Variants in AP4B1 observed in about 807,000 individuals in gnomAD.
AP4B1 encodes the protein adaptor related protein complex 4 subunit beta 1.
Under a neutral mutation model 76.5 loss-of-function variants are expected in AP4B1, and 49 were observed. The observed-to-expected ratio is 0.64, with a 90% CI of 0.51 to 0.81. The LOEUF is 0.81. Among genes scored for constraint, AP4B1 ranks in the 40% least tolerant of loss-of-function variants. The pLI, the probability that AP4B1 is intolerant of heterozygous loss-of-function variation, is 0.00. For synonymous variants in AP4B1, 330 were observed against 333.3 expected (o/e 0.99, Z 0.11); for missense variants, 911 against 904.9 (o/e 1.01, Z -0.09).
At position 113,895,299 on chromosome 1, in the gene AP4B1, T is replaced by C; in HGVS notation, c.1986A>G (p.Gln662=). Reference sequence around the variant, plus strand: ...TTGCGATGGTCTGGATGTTCACTACTTGAAGAGCCATCTGGAGGGTGTCAG... The same window carrying C: ...TTGCGATGGTCTGGATGTTCACTACCTGAAGAGCCATCTGGAGGGTGTCAG... The part of the protein sequence containing the change: ...FHPDTLQMAL[Q]VVNIQTIAMS... The change falls in exon 10 of 10, where the codon CAA becomes CAG. Residue 662 remains glutamine, a synonymous_variant. Transcript: ENST00000369569. 6.2e-7 allele frequency: 1 copy of C among 1,614,208 alleles called. No homozygotes were observed.
rs878886670 is a variant in AP4B1, at chr1:113,896,283, T to G, written c.1485A>C (p.Leu495=). 6 of 1,614,160 alleles carry G rather than the reference T, an allele frequency of 3.7e-6. No individual in the cohort carries two copies. The highest frequency in any genetic ancestry group is 5.1e-6 in the Non-Finnish European group (6 of 1,180,012). The part of the protein sequence containing the change: ...LSRPAECQDM[L]GRLLYYCIEE... ...CTATGCAGTAATACAACAAACGTCC[T>G]AGCATGTCCTGGCACTCAGCAGGTC... The change falls in exon 8 of 10, where the codon CTA becomes CTC. Residue 495 remains leucine (L), a synonymous_variant. Coordinates refer to ENST00000369569, the MANE Select transcript of AP4B1 (RefSeq NM_001253852.3).
chr1:113,898,530 T>C (rs1313560663), intron 6 of AP4B1, among the ~76,000 whole-genome samples, 188 bp downstream of exon 6: 1 of 152,256 alleles, frequency 6.6e-6, no homozygotes, highest in Non-Finnish European at 1.5e-5. Flanking sequence ...TTATAGATCA[T>C]GGCAGCCTGA....
In AP4B1 at chr1:113,894,726, C is replaced by T. The variant is rs551106824; in HGVS notation, c.*339G>A. 3.6e-6 allele frequency: 1 copy of T among 276,042 alleles called. No homozygotes were observed. Among genetic ancestry groups the T allele is most frequent in the Non-Finnish European group, 6.9e-6 (1 of 143,888 alleles). 17.1% of individuals were successfully genotyped at this position (276,042 alleles called of 1,614,324 possible). On this transcript the variant is annotated 3_prime_UTR_variant, in exon 10 of 10. Coordinates refer to ENST00000369569, the MANE Select transcript of AP4B1 (RefSeq NM_001253852.3). ...AATCCAGGGAAGAAAAGATGACCCC[C>T]ACAAATGATGACCCCTATCAGTTTC...
rs185479399 is a variant in AP4B1 at position 113,896,671 on chromosome 1, A to G, written c.1303-206T>C. On this transcript the variant is annotated intron_variant, in intron 7 of 9. Transcript: ENST00000369569. ...ATTCTAATACACAAGAGGAAACTCAAAACTTTCATAGCCTATGTTGGATTA... is the reference window on the plus strand; with the variant it reads ...ATTCTAATACACAAGAGGAAACTCAGAACTTTCATAGCCTATGTTGGATTA... 5,329 of 611,180 alleles carry G rather than the reference A, an allele frequency of 8.7e-3. 75 individuals carry two copies. The highest frequency in any genetic ancestry group is 8.0e-3 in the Non-Finnish European group (2,766 of 347,134). The allele number at this position is 611,180 out of a possible 1,614,324, so 37.9% of individuals were successfully genotyped here. A position where few individuals can be genotyped will look rare whatever the true frequency, so the allele number is the denominator to read the frequency against.
At position 113,894,827 on chromosome 1, in the gene AP4B1, G is replaced by A. The variant is rs778368827; in HGVS notation, c.*238C>T. On this transcript the variant is annotated 3_prime_UTR_variant, in exon 10 of 10. Transcript: ENST00000369569. ...AAATAATCCAAATCCCATCCTCAAC[G>A]CATCTCCTTACCAACATTAACCTCT... is the stretch of plus-strand genomic sequence containing the variant. 3.3e-4 allele frequency: 162 copies of A among 493,948 alleles called. No individual in the cohort carries two copies. Among genetic ancestry groups the A allele is most frequent in the Non-Finnish European group, 4.4e-4 (121 of 274,742 alleles). 30.6% of individuals were successfully genotyped at this position (493,948 alleles called of 1,614,324 possible).
chr1:113,899,106 C>T (rs964178166), intron 5 of AP4B1: 1 of 1,198,330 alleles, frequency 8.3e-7, no homozygotes, highest in Non-Finnish European at 1.0e-6. Context: ...TATGAGGTAC[C>T]CTTTTTGTTG....
Position 113,895,507 on chromosome 1 carries a change from A to C in AP4B1, c.1793-15T>G. The C allele has an allele frequency of 6.2e-7, 1 of 1,614,050 alleles. No homozygotes were observed. Among genetic ancestry groups the C allele is most frequent in the East Asian group, 2.2e-5 (1 of 44,890 alleles). On this transcript the variant is annotated splice_polypyrimidine_tract_variant and intron_variant, in intron 9 of 9. Transcript: ENST00000369569. ...AATCAAGGGTCCTAAAAGAGACAGA[A>C]AACTTGTGTGAAAGATGTTCTTAAT...
At position 113,904,723 on chromosome 1, in the gene AP4B1, TAA is replaced by T; in HGVS notation, c.-8_-7del. On this transcript the variant is annotated 5_prime_UTR_variant, in exon 1 of 10. Coordinates refer to ENST00000369569, the MANE Select transcript of AP4B1 (RefSeq NM_001253852.3). ...TCGGAGCCAAGGTACGGCATCTTCC[TAA>T]GAGTCACAGGGCAGCTCCCACAGCT... 1 of 1,611,834 alleles carries T rather than the reference TAA, an allele frequency of 6.2e-7. No individual in the cohort carries two copies. The highest frequency in any genetic ancestry group is 8.5e-7 in the Non-Finnish European group (1 of 1,179,644).
chr1:113,900,310 A>G lies in AP4B1; in HGVS notation c.708T>C (p.Ile236=). The part of the protein sequence containing the change: ...QPRSEEELFD[I]LNLLDSFLKS... The stretch of plus-strand genomic sequence containing the variant: ...TGAGGAAACTATCCAACAGATTGAG[A>G]ATGTCAAATAGTTCTTCCTCACTGC... Residue 236 remains isoleucine (I), a synonymous_variant, in exon 5 of 10, where the codon ATT becomes ATC. Transcript: ENST00000369569. 1 of 1,605,638 alleles carries G rather than the reference A, an allele frequency of 6.2e-7. No individual in the cohort carries two copies. Among genetic ancestry groups the G allele is most frequent in the South Asian group, 1.1e-5 (1 of 90,028 alleles).
chr1:113,897,876 G>A lies in AP4B1; in HGVS notation c.1266C>T (p.Ala422=). Residue 422 remains alanine, a synonymous_variant, in exon 7 of 10, where the codon GCC becomes GCT. Coordinates refer to ENST00000369569, the MANE Select transcript of AP4B1 (RefSeq NM_001253852.3). ...GAATGTTCTCTTCACAGCCGGGCAG[G>A]GCCTGACATACAGCTTCAGTACACT... The part of the protein sequence containing the change: ...CPQCTEAVCQ[A]LPGCEENIQD... The A allele has an allele frequency of 6.2e-7, 1 of 1,614,102 alleles. No homozygotes were observed. The highest frequency in any genetic ancestry group is 8.5e-7 in the Non-Finnish European group (1 of 1,180,024).
At chr1:113,902,153 C>A in intron 2 of AP4B1, 1 of 463,338 alleles carries the variant, frequency 2.2e-6, no homozygotes, top group Non-Finnish European at 4.0e-6. Context: ...CATCCTCCTG[C>A]CTCAGCCTTC....
rs890447431 is a variant in AP4B1 at position 113,897,715 on chromosome 1, T to G, written c.1302+125A>C. ...TCTATATCCAAAAGAGAATCTAAGG[T>G]GGCAATCAATTCGAAGAGTGCCCAC... On this transcript the variant is annotated intron_variant, in intron 7 of 9. Transcript: ENST00000369569. 1.6e-5 allele frequency: 15 copies of G among 944,344 alleles called. No individual in the cohort carries two copies. In the Admixed American group the frequency reaches 2.0e-4, roughly 13 times the overall value. 58.5% of individuals were successfully genotyped at this position (944,344 alleles called of 1,614,324 possible). A position where few individuals can be genotyped will look rare whatever the true frequency, so the allele number is the denominator to read the frequency against.
At chr1:113,899,499 C>A in intron 5 of AP4B1, 1 of 415,050 alleles carries the variant, frequency 2.4e-6, no homozygotes, top group Non-Finnish European at 3.6e-6. Context: ...AACTATGTGC[C>A]CTTTTGGCAA....
At position 113,894,846 on chromosome 1, in the gene AP4B1, A is replaced by C; in HGVS notation, c.*219T>G. The C allele has an allele frequency of 2.6e-5, 14 of 543,590 alleles. No homozygotes were observed. Among genetic ancestry groups the C allele is most frequent in the Non-Finnish European group, 3.9e-5 (12 of 305,636 alleles). 33.7% of individuals were successfully genotyped at this position (543,590 alleles called of 1,614,324 possible). On this transcript the variant is annotated 3_prime_UTR_variant, in exon 10 of 10. Coordinates refer to ENST00000369569, the MANE Select transcript of AP4B1 (RefSeq NM_001253852.3). ...CTCAACGCATCTCCTTACCAACATT[A>C]ACCTCTACAACATCATCACTGAAAA...
At chr1:113,902,107 A>G (rs1328960571) in intron 2 of AP4B1, 4 of 558,356 alleles carry the variant, frequency 7.2e-6, no homozygotes, top group African/African-American at 3.8e-5. Context: ...TGGCCCGATC[A>G]TAGCTCACTG....
rs1186934233 is a variant in AP4B1 at position 113,902,765 on chromosome 1, A to G, written c.211T>C (p.Tyr71His). ...DIVQKKLVYLYMCTYAPLKPD... is the reference protein window; with the variant it reads ...DIVQKKLVYLHMCTYAPLKPD... ...TTCAGGGGAGCATATGTGCACATGT[A>G]CAGATAAACCAACTTCTTCTGGACA... Residue 71 changes from tyrosine (Y) to histidine (H), a missense_variant, in exon 2 of 10, where the codon TAC becomes CAC. Tyr to His is a moderately conservative substitution (Grantham distance 83). Transcript: ENST00000369569. 20 of 1,614,132 alleles carry G rather than the reference A, an allele frequency of 1.2e-5. No individual in the cohort carries two copies. Among genetic ancestry groups the G allele is most frequent in the Non-Finnish European group, 1.7e-5 (20 of 1,180,054 alleles).
chr1:113,898,200 A>G (rs187129547), intron 6 of AP4B1, among the ~76,000 whole-genome samples: 1 of 152,382 alleles, frequency 6.6e-6, no homozygotes, highest in Admixed American at 6.5e-5. Context: ...ATAAAGCTGT[A>G]TGCAAATGTG....
rs1276635757 is a variant in AP4B1 at position 113,902,686 on chromosome 1, G to A, written c.290C>T (p.Pro97Leu). 7 of 1,613,868 alleles carry A rather than the reference G, an allele frequency of 4.3e-6. No homozygotes were observed. The highest frequency in any genetic ancestry group is 5.9e-6 in the Non-Finnish European group (7 of 1,180,044). ...INTLCKDCSDPNPMVRGLALR... is the reference protein window; with the variant it reads ...INTLCKDCSDLNPMVRGLALR... ...CGCCAGCCCTCGCACCATTGGATTG[G>A]GGTCTGAGCAGTCTTTGCACAGCGT... Residue 97 changes from proline (P) to leucine (L), a missense_variant, in exon 2 of 10, where the codon CCC becomes CTC. By Grantham distance (98) the Pro-to-Leu change is moderately conservative. Transcript: ENST00000369569.
In AP4B1 at chr1:113,898,115, C is replaced by A; in HGVS notation, c.1199-172G>T. The A allele has an allele frequency of 8.0e-6, 10 of 1,243,028 alleles. 1 individual carries two copies. The highest frequency in any genetic ancestry group is 2.4e-5 in the Admixed American group (1 of 42,114). The allele number at this position is 1,243,028 out of a possible 1,614,324, so 77.0% of individuals were successfully genotyped here. Reference sequence around the variant, plus strand: ...AATGTAATGAAATAAGCAATAATTTCTTGAATGCATATTGCTCTTATCAGA... The same window carrying A: ...AATGTAATGAAATAAGCAATAATTTATTGAATGCATATTGCTCTTATCAGA... On this transcript the variant is annotated intron_variant, in intron 6 of 9. Coordinates refer to ENST00000369569, the MANE Select transcript of AP4B1 (RefSeq NM_001253852.3).
Sources: allele counts gnomAD v4.1 joint callset (sites outside exome capture counted in the v4.1 genomes callset), GRCh38; gene constraint gnomAD v4.1.1; transcripts MANE v1.5; gene names NCBI Gene and HGNC (gene_info 2026-07-23, HGNC 2026-07-21).